TRPM3: variants seen among roughly 807,000 people sequenced by gnomAD.
TRPM3 encodes the protein transient receptor potential cation channel subfamily M member 3.
TRPM3 carries 77 observed loss-of-function variants against 181.2 expected under a neutral mutation model. The observed-to-expected ratio is 0.42, with a 90% CI of 0.35 to 0.51. The LOEUF is 0.51. TRPM3 is among the 20% of genes least tolerant of loss of function. The probability of loss-of-function intolerance (pLI) is 0.01; values close to 1 mark genes in which losing one functional copy is unlikely to be tolerated. For synonymous variants in TRPM3, 745 were observed against 796.4 expected, an observed-to-expected ratio of 0.94 and a Z score of 1.09; for missense variants, 1,759 against 2,196.7, an observed-to-expected ratio of 0.80 and a Z score of 3.98.
intron 17 of TRPM3, among the ~76,000 whole-genome samples, chr9:70,617,794 G>T (rs148596132): frequency 6.6e-6 from 1 of 152,008 alleles, no homozygotes; most frequent in African/African-American, 2.4e-5. Flanking sequence ...ATGAAACCCC[G>T]TCTGTACTAG....
At chr9:70,772,542 C>T (rs762581706) in intron 7 of TRPM3, among the ~76,000 whole-genome samples, 1 of 152,026 alleles carries the variant, frequency 6.6e-6, no homozygotes, top group Non-Finnish European at 1.5e-5. Context: ...AGGCTGGTCT[C>T]GAACTCCTGA....
intron 1 of TRPM3, among the ~76,000 whole-genome samples, chr9:71,131,257 G>C (rs1158874923): frequency 6.6e-6 from 1 of 152,152 alleles, no homozygotes; most frequent in East Asian, 1.9e-4. Context: ...CATGAGATTA[G>C]CTCCTTCTCA....
chr9:70,627,474 T>C (rs2064885067), intron 12 of TRPM3, among the ~76,000 whole-genome samples: 1 of 152,116 alleles, frequency 6.6e-6, no homozygotes, highest in Non-Finnish European at 1.5e-5. Context: ...GGTTTTGCCA[T>C]GTTGGCCAGG....
chr9:71,102,248 A>C (rs1419086021), intron 1 of TRPM3, among the ~76,000 whole-genome samples: 1 of 152,114 alleles, frequency 6.6e-6, no homozygotes, highest in Non-Finnish European at 1.5e-5. Flanking sequence ...CATTGTTTCT[A>C]TGTTAGTCTA....
In TRPM3 at chr9:70,536,533, G is replaced by A. The variant is rs200488537; in HGVS notation, c.4580C>T (p.Ala1527Val). 5.6e-6 allele frequency: 9 copies of A among 1,614,166 alleles called. No homozygotes were observed. In the African/African-American group the frequency reaches 1.1e-4, roughly 19 times the overall value. Residue 1527 changes from alanine (A) to valine (V), a missense_variant, in exon 26 of 26, where the codon GCT (alanine) becomes GTT (valine). Ala to Val is a moderately conservative substitution (Grantham distance 64). Coordinates refer to ENST00000677713, the MANE Select transcript of TRPM3 (RefSeq NM_001366145.2). ...AAAGCTATGAGATTTCACAATGGGA[G>A]CCTCTTCTAGAAGAAAGGGTGTGGT... ...LATTPFLLEE[A>V]PIVKSHSFMF... is the part of the protein sequence containing the mutation.
intron 8 of TRPM3, among the ~76,000 whole-genome samples, chr9:70,687,520 T>C (rs2134368640): frequency 6.6e-6 from 1 of 152,208 alleles, no homozygotes; most frequent in Middle Eastern, 3.4e-3. Flanking sequence ...TTCTTGAAAA[T>C]CCCAAAAAAC....
intron 1 of TRPM3, among the ~76,000 whole-genome samples, chr9:71,265,280 A>T (rs2083310771): frequency 6.6e-6 from 1 of 152,228 alleles, no homozygotes; most frequent in South Asian, 2.1e-4. Flanking sequence ...GTCCCATAGT[A>T]GCCAAATAGA....
intron 1 of TRPM3, among the ~76,000 whole-genome samples, chr9:71,429,705 T>C (rs946465728): frequency 6.6e-6 from 1 of 152,210 alleles, no homozygotes. Flanking sequence ...AATCCCCTAA[T>C]CTTTCCCTAA....
intron 14 of TRPM3, among the ~76,000 whole-genome samples, chr9:70,623,469 G>A (rs1384608077): frequency 6.6e-6 from 1 of 152,088 alleles, no homozygotes; most frequent in Non-Finnish European, 1.5e-5. Context: ...GAGAGGGTGT[G>A]TAAAGTCAAA....
intron 1 of TRPM3, among the ~76,000 whole-genome samples, chr9:71,009,185 T>G (rs929918594): frequency 2.6e-5 from 4 of 152,168 alleles, no homozygotes; most frequent in Non-Finnish European, 5.9e-5. Context: ...TTCATCACTT[T>G]TTATTCAACA....
intron 1 of TRPM3, among the ~76,000 whole-genome samples, chr9:71,071,167 C>G (rs1341418094): frequency 1.3e-5 from 2 of 152,144 alleles, no homozygotes; most frequent in Non-Finnish European, 2.9e-5. Flanking sequence ...GAGTGGCAGT[C>G]ACATGTACAT....
rs1554753032 is a variant in TRPM3, at chr9:70,864,535, A to AAAAAAAG, written c.178-31_178-25dup. ...GCCTGAAAAAGAAAACAAAAAAAAA[A>AAAAAAAG]AAAAAAGAAAAAAGAAAGAAAGGTG... On this transcript the variant is annotated intron_variant, in intron 1 of 25. Coordinates refer to ENST00000677713, the MANE Select transcript of TRPM3 (RefSeq NM_001366145.2). The AAAAAAAG allele has an allele frequency of 8.6e-5, 126 of 1,465,402 alleles. 2 individuals carry two copies. In the African/African-American group the frequency reaches 1.6e-3, roughly 19 times the overall value. 90.8% of individuals were successfully genotyped at this position (1,465,402 alleles called of 1,614,324 possible). A position where few individuals can be genotyped will look rare whatever the true frequency, so the allele number is the denominator to read the frequency against.
At chr9:71,425,669 A>C (rs2093850396) in intron 1 of TRPM3, among the ~76,000 whole-genome samples, 1 of 152,022 alleles carries the variant, frequency 6.6e-6, no homozygotes, top group African/African-American at 2.4e-5. Flanking sequence ...CTCACAACGC[A>C]TTTGCAGAGA....
chr9:70,889,835 A>G (rs1365263391), intron 1 of TRPM3, among the ~76,000 whole-genome samples: 2 of 151,610 alleles, frequency 1.3e-5, no homozygotes, highest in African/African-American at 4.8e-5. Flanking sequence ...CAATAAAGGA[A>G]ACAGTACAGA....
intron 1 of TRPM3, among the ~76,000 whole-genome samples, chr9:71,073,556 G>C (rs570037393): frequency 7.2e-5 from 11 of 152,048 alleles, no homozygotes; most frequent in Admixed American, 2.0e-4. Flanking sequence ...AGCTACTGCT[G>C]ATGTTCCAAA....
rs191470326 is a variant in TRPM3 at position 70,924,247 on chromosome 9, A to G, written c.178-59736T>C. Reference sequence around the variant, plus strand: ...GGCCCCAAATAGCAACAAGGCTGATATAATACCAATATTTATTTCCTTCCT... The same window carrying G: ...GGCCCCAAATAGCAACAAGGCTGATGTAATACCAATATTTATTTCCTTCCT... On this transcript the variant is annotated intron_variant, in intron 1 of 25. Coordinates refer to ENST00000677713, the MANE Select transcript of TRPM3 (RefSeq NM_001366145.2). 3.8e-3 allele frequency among the ~76,000 whole-genome samples: 575 copies of G among 152,278 alleles called. 4 individuals are homozygous for G. Among genetic ancestry groups the G allele is most frequent in the African/African-American group, 0.013 (544 of 41,560 alleles).
intron 8 of TRPM3, among the ~76,000 whole-genome samples, chr9:70,753,334 G>T (rs1408737167): frequency 1.3e-5 from 2 of 152,064 alleles, no homozygotes; most frequent in African/African-American, 4.8e-5. Context: ...TATATAAAAA[G>T]AATAAGAGGA....
chr9:71,212,254 C>G (rs2079553552), intron 1 of TRPM3, among the ~76,000 whole-genome samples: 1 of 152,170 alleles, frequency 6.6e-6, no homozygotes, highest in Non-Finnish European at 1.5e-5. Flanking sequence ...ATAGCTGGGA[C>G]TATAAGTGTG....
chr9:71,215,927 CT>C (rs531091900), intron 1 of TRPM3, among the ~76,000 whole-genome samples: 30 of 152,298 alleles, frequency 2.0e-4, no homozygotes, highest in African/African-American at 7.0e-4. Flanking sequence ...ATGTCTGCCC[CT>C]GGTCGGCTCA....
Sources: gnomAD v4.1 joint callset for allele counts (sites outside exome capture counted in the v4.1 genomes callset) on GRCh38, gnomAD v4.1.1 for gene constraint, MANE v1.5 for transcripts, NCBI Gene and HGNC (gene_info 2026-07-23, HGNC 2026-07-21) for gene names.